KL: variants seen among roughly 807,000 people sequenced by gnomAD.
KL encodes klotho, also known as alpha-klotho.
In KL, 62 loss-of-function variants were observed where a neutral mutation model predicts 84.2. The ratio of observed to expected loss-of-function variants is 0.74; its 90% confidence interval spans 0.60 to 0.91. KL has a LOEUF of 0.91. Ranked by LOEUF, KL falls within the 40% of genes least tolerant of loss-of-function variation. The pLI is 0.00. For synonymous variants in KL, 528 were observed against 528.0 expected (o/e 1.00, Z 0.00); for missense variants, 1,261 against 1,305.7 (o/e 0.97, Z 0.53).
At chr13:33,060,459 A>G (rs780216082) in intron 3 of KL, among the ~76,000 whole-genome samples, 3 of 152,210 alleles carry the variant, frequency 2.0e-5, no homozygotes, top group Non-Finnish European at 4.4e-5. Flanking sequence ...TTAAAGAAAC[A>G]GTTGAAGAGT....
intron 1 of KL, among the ~76,000 whole-genome samples, chr13:33,051,598 C>G (rs1268157572): frequency 1.3e-5 from 2 of 152,132 alleles, no homozygotes; most frequent in Non-Finnish European, 2.9e-5. Flanking sequence ...CCATATATGT[C>G]TTTCCTTATG....
chr13:33,020,099 T>C (rs1870520122), intron 1 of KL, among the ~76,000 whole-genome samples: 1 of 152,164 alleles, frequency 6.6e-6, no homozygotes, highest in Non-Finnish European at 1.5e-5. Context: ...CCGCCTGAGA[T>C]TCTTGCAAAC....
chr13:33,054,392 C>T, intron 2 of KL, 115 bp downstream of exon 2: 1 of 1,117,300 alleles, frequency 9.0e-7, no homozygotes, highest in Non-Finnish European at 1.3e-6. Context: ...TGGAGACATT[C>T]ATTTTGGCAA....
chr13:33,042,838 C>T (rs1748585367), intron 1 of KL, among the ~76,000 whole-genome samples: 2 of 152,122 alleles, frequency 1.3e-5, no homozygotes, highest in African/African-American at 4.8e-5. Context: ...TGTGCCACCA[C>T]ACCTGGCTAA....
intron 1 of KL, among the ~76,000 whole-genome samples, chr13:33,021,531 C>T (rs552392476): frequency 1.3e-5 from 2 of 152,314 alleles, no homozygotes; most frequent in Middle Eastern, 3.4e-3. Flanking sequence ...TGTATATATG[C>T]TCAAATTACA....
At chr13:33,032,783 A>G (rs575873863) in intron 1 of KL, among the ~76,000 whole-genome samples, 1 of 152,306 alleles carries the variant, frequency 6.6e-6, no homozygotes, top group South Asian at 2.1e-4. Flanking sequence ...TTGCCACAGC[A>G]TCACTGGCTT....
In KL at chr13:33,061,576, A is replaced by G. The variant is rs1168360561; in HGVS notation, c.2497A>G (p.Met833Val). ...KYNDYLEVQEMTDITWLNSPS... is the reference protein window; with the variant it reads ...KYNDYLEVQEVTDITWLNSPS... ...CAATGATTACCTAGAAGTGCAAGAA[A>G]TGACCGACATCACGTGGCTCAACTC... Residue 833 changes from methionine (M) to valine (V), a missense_variant, in exon 4 of 5, where the codon ATG becomes GTG. Coordinates refer to ENST00000380099, the MANE Select transcript of KL (RefSeq NM_004795.4). 3.7e-6 allele frequency: 6 copies of G among 1,614,126 alleles called. No homozygotes were observed. The highest frequency in any genetic ancestry group is 5.1e-6 in the Non-Finnish European group (6 of 1,180,052).
At chr13:33,050,805 T>C (rs1241309468) in intron 1 of KL, among the ~76,000 whole-genome samples, 1 of 152,248 alleles carries the variant, frequency 6.6e-6, no homozygotes, top group Non-Finnish European at 1.5e-5. Flanking sequence ...TGTATTCCTC[T>C]GTAAAATAAT....
chr13:33,050,003 G>C (rs1479713926), intron 1 of KL, among the ~76,000 whole-genome samples: 1 of 152,046 alleles, frequency 6.6e-6, no homozygotes, highest in African/African-American at 2.4e-5. Context: ...ACCTTTTTCT[G>C]TTCAGAGTAT....
At chr13:33,019,618 C>G (rs1157983245) in intron 1 of KL, among the ~76,000 whole-genome samples, 1 of 151,912 alleles carries the variant, frequency 6.6e-6, no homozygotes, top group Admixed American at 6.6e-5. Flanking sequence ...AACAAACAAA[C>G]AGCAGGACAA....
In KL at chr13:33,063,850, C is replaced by G. The variant is rs1210272059; in HGVS notation, c.2703C>G (p.Ala901=). The G allele has an allele frequency of 8.1e-6, 13 of 1,613,852 alleles. No homozygotes were observed. The change falls in exon 5 of 5, where the codon GCC becomes GCG. Residue 901 remains alanine (A), a splice_region_variant and synonymous_variant. Transcript: ENST00000380099. ...TCTCCTATCCTTTTGTTTTTCCAGC[C>G]CACATACTGGATGGTATCAATCTTT... is the stretch of plus-strand genomic sequence containing the variant. ...MQNYINEALK[A]HILDGINLCG... is the part of the protein sequence containing the mutation.
chr13:33,019,732 T>TGTGTGTGTGA (rs139721497), intron 1 of KL, among the ~76,000 whole-genome samples: 10 of 133,368 alleles, frequency 7.5e-5, no homozygotes, highest in African/African-American at 2.7e-4. Flanking sequence ...TGTGTGTGTG[T>TGTGTGTGTGA]GAGAGAGAGA....
intron 1 of KL, among the ~76,000 whole-genome samples, chr13:33,024,547 A>G (rs1299565223): frequency 2.6e-5 from 4 of 152,162 alleles, no homozygotes; most frequent in Admixed American, 6.5e-5. Context: ...CTGGCTCCCA[A>G]AGGAGGCATA....
chr13:33,061,837 A>G, intron 4 of KL, 57 bp downstream of exon 4: 1 of 1,564,334 alleles, frequency 6.4e-7, no homozygotes, highest in Non-Finnish European at 8.7e-7. Flanking sequence ...AGGGCATGAC[A>G]CTTGATTAAA....
chr13:33,018,075 C>A (rs1870439400), intron 1 of KL, among the ~76,000 whole-genome samples: 5 of 152,188 alleles, frequency 3.3e-5, no homozygotes, highest in Admixed American at 3.3e-4. Context: ...GTAAAGTTGT[C>A]TCAAGTATTT....
At chr13:33,057,594 C>T (rs2239210) in intron 3 of KL, among the ~76,000 whole-genome samples, 16,005 of 152,052 alleles carry the variant, frequency 0.11, 1,160 homozygotes, top group East Asian at 0.29. Flanking sequence ...CTTGGGGACC[C>T]CACCCCTCCT....
At chr13:33,040,848 C>T (rs1871312870) in intron 1 of KL, among the ~76,000 whole-genome samples, 1 of 152,160 alleles carries the variant, frequency 6.6e-6, no homozygotes. Context: ...TTCCCCAACT[C>T]CTTATTTTTT....
chr13:33,064,133 T>C lies in KL; in HGVS notation c.2986T>C (p.Ser996Pro). Residue 996 changes from serine (S) to proline (P), a missense_variant, in exon 5 of 5, where the codon TCT (serine) becomes CCT (proline). Ser to Pro is a moderately conservative substitution (Grantham distance 74). Coordinates refer to ENST00000380099, the MANE Select transcript of KL (RefSeq NM_004795.4). ...IAFLFFASII[S>P]LSLIFYYSKK... ...TTTTCTATTTTTTGCTTCTATTATT[T>C]CTCTCTCCCTTATATTTTACTACTC... The C allele has an allele frequency of 6.2e-7, 1 of 1,613,308 alleles. No homozygotes were observed. Among genetic ancestry groups the C allele is most frequent in the Non-Finnish European group, 8.5e-7 (1 of 1,179,636 alleles).
chr13:33,046,402 T>A lies in KL; in HGVS notation c.820-7365T>A, dbSNP rs73460919. On this transcript the variant is annotated intron_variant, in intron 1 of 4. Transcript: ENST00000380099. The stretch of plus-strand genomic sequence containing the variant: ...GGGAATTTGGCCAGGTCATCTCTGT[T>A]ATCTAATTTGCTGGCATCCAAATGT... Among the ~76,000 whole-genome samples the A allele has an allele frequency of 5.3e-3, 814 of 152,332 alleles. 8 individuals carry two copies. The highest frequency in any genetic ancestry group is 0.018 in the African/African-American group (760 of 41,576).
Sources: allele counts gnomAD v4.1 joint callset (sites outside exome capture counted in the v4.1 genomes callset), GRCh38; gene constraint gnomAD v4.1.1; transcripts MANE v1.5; gene names NCBI Gene and HGNC (gene_info 2026-07-23, HGNC 2026-07-21).